The following CSNK2A2IP variants were observed in gnomAD, a reference collection of about 807,000 sequenced individuals.
CSNK2A2IP encodes the protein casein kinase 2 subunit alpha' interacting protein, also known as casein kinase II subunit alpha'-interacting protein.
the CSNK2A2IP span, among the ~76,000 whole-genome samples, chr3:88,400,466 G>A: frequency 0.033 from 5,030 of 152,128 alleles, 274 homozygotes; most frequent in African/African-American, 0.11. Context: ...TATCATACAT[G>A]GCAAAAGGAA....
chr3:88,396,549 A>G, the CSNK2A2IP span, among the ~76,000 whole-genome samples: 4 of 152,196 alleles, frequency 2.6e-5, no homozygotes, highest in Non-Finnish European at 4.4e-5. Flanking sequence ...AGCACATTCT[A>G]TCCACAACAA....
At chr3:88,426,176 A>G in the CSNK2A2IP span, among the ~76,000 whole-genome samples, 4 of 152,344 alleles carry the variant, frequency 2.6e-5, no homozygotes, top group South Asian at 8.3e-4. Context: ...AAAACCATGA[A>G]TATTTAAAAT....
At chr3:88,358,100 T>C in the CSNK2A2IP span, among the ~76,000 whole-genome samples, 1 of 152,274 alleles carries the variant, frequency 6.6e-6, no homozygotes, top group East Asian at 1.9e-4. Flanking sequence ...TTATAGCTAT[T>C]GTAAATGGGA....
the CSNK2A2IP span, among the ~76,000 whole-genome samples, chr3:88,403,464 T>C: frequency 6.6e-6 from 1 of 152,112 alleles, no homozygotes; most frequent in Non-Finnish European, 1.5e-5. Context: ...TACCAAGGGA[T>C]TGTAATGGGG....
At chr3:88,338,961 C>T in the CSNK2A2IP span, among the ~76,000 whole-genome samples, 9 of 151,758 alleles carry the variant, frequency 5.9e-5, no homozygotes, top group East Asian at 9.7e-4. Flanking sequence ...TGTATGTATG[C>T]GGTACATGTG....
chr3:88,399,095 T>A, the CSNK2A2IP span, among the ~76,000 whole-genome samples: 2 of 152,100 alleles, frequency 1.3e-5, no homozygotes, highest in Non-Finnish European at 2.9e-5. Context: ...TAATAGGACA[T>A]GAACATTGAT....
At chr3:88,366,744 T>C in the CSNK2A2IP span, among the ~76,000 whole-genome samples, 6 of 152,046 alleles carry the variant, frequency 3.9e-5, no homozygotes, top group Non-Finnish European at 5.9e-5. Context: ...GAAATCTTTC[T>C]TAAATAGGGG....
the CSNK2A2IP span, among the ~76,000 whole-genome samples, chr3:88,394,307 A>G: frequency 1.3e-5 from 2 of 152,314 alleles, no homozygotes; most frequent in African/African-American, 2.4e-5. Flanking sequence ...CATCACCAAT[A>G]TTTGGTGTTT....
At chr3:88,429,645 G>C in the CSNK2A2IP span, among the ~76,000 whole-genome samples, 4 of 152,204 alleles carry the variant, frequency 2.6e-5, no homozygotes, top group African/African-American at 9.6e-5. Context: ...TTTCCAGGAA[G>C]TTTTTATTGA....
the CSNK2A2IP span, among the ~76,000 whole-genome samples, chr3:88,451,080 T>A: frequency 6.6e-6 from 1 of 152,110 alleles, no homozygotes. Context: ...AAGAAGGTTT[T>A]TGAAAAATAT....
the CSNK2A2IP span, among the ~76,000 whole-genome samples, chr3:88,365,531 T>C: frequency 6.6e-6 from 1 of 152,136 alleles, no homozygotes; most frequent in Admixed American, 6.6e-5. Context: ...CATCAGAAAA[T>C]CTAATAAATG....
chr3:88,342,030 T>A, the CSNK2A2IP span, among the ~76,000 whole-genome samples: 24 of 151,996 alleles, frequency 1.6e-4, no homozygotes, highest in African/African-American at 5.8e-4. Flanking sequence ...TAGTATAAAT[T>A]TTTTTAAGTG....
the CSNK2A2IP span, among the ~76,000 whole-genome samples, chr3:88,363,850 C>T: frequency 6.6e-6 from 1 of 152,136 alleles, no homozygotes; most frequent in African/African-American, 2.4e-5. Flanking sequence ...TGTTCTGAGT[C>T]TGGCTGGTAG....
chr3:88,423,631 C>T, the CSNK2A2IP span, among the ~76,000 whole-genome samples: 1 of 152,070 alleles, frequency 6.6e-6, no homozygotes, highest in Admixed American at 6.6e-5. Flanking sequence ...GTTTCCATGC[C>T]TAGGGAGCAG....
chr3:88,421,206 G>A, the CSNK2A2IP span, among the ~76,000 whole-genome samples: 1 of 152,004 alleles, frequency 6.6e-6, no homozygotes, highest in East Asian at 1.9e-4. Context: ...ATTGAGAGAA[G>A]GCACTTTTAT....
the CSNK2A2IP span, among the ~76,000 whole-genome samples, chr3:88,460,176 AT>A: frequency 7.2e-5 from 11 of 151,858 alleles, no homozygotes; most frequent in South Asian, 2.1e-4. Flanking sequence ...TCATGGTGGT[AT>A]TTTTTTTCTC....
the CSNK2A2IP span, among the ~76,000 whole-genome samples, chr3:88,446,077 T>G: frequency 1.4e-5 from 2 of 145,840 alleles, no homozygotes; most frequent in Non-Finnish European, 3.0e-5. Flanking sequence ...TTTCTTTCTT[T>G]CTTTCTTTCT....
the CSNK2A2IP span, among the ~76,000 whole-genome samples, chr3:88,356,398 G>A: frequency 6.6e-6 from 1 of 151,914 alleles, no homozygotes; most frequent in Non-Finnish European, 1.5e-5. Flanking sequence ...ATGACCTCTA[G>A]TTCCATCCAT....
the CSNK2A2IP span, among the ~76,000 whole-genome samples, chr3:88,412,784 T>G: frequency 2.6e-5 from 4 of 152,074 alleles, no homozygotes; most frequent in African/African-American, 9.7e-5. Context: ...AGCATGTTAC[T>G]GTTTTTAATA....
Sources: gnomAD v4.1 joint callset for allele counts (sites outside exome capture counted in the v4.1 genomes callset) on GRCh38, gnomAD v4.1.1 for gene constraint, MANE v1.5 for transcripts, NCBI Gene and HGNC (gene_info 2026-07-23, HGNC 2026-07-21) for gene names.